COP1: variants seen among roughly 807,000 people sequenced by gnomAD.
The protein encoded by COP1 is COP1 E3 ubiquitin ligase.
Under a neutral mutation model 101.3 loss-of-function variants are expected in COP1, and 24 were observed. That is an observed-to-expected ratio of 0.24 (90% CI 0.17 to 0.33). The LOEUF (loss-of-function observed/expected upper bound fraction) is 0.33, where lower values mean the gene tolerates loss of function less well. Ranked by LOEUF, COP1 falls within the 10% of genes least tolerant of loss-of-function variation. The pLI is 1.00. For synonymous variants in COP1, 347 were observed against 341.9 expected, an observed-to-expected ratio of 1.01 and a Z score of -0.17; for missense variants, 663 against 906.2, an observed-to-expected ratio of 0.73 and a Z score of 3.45.
At chr1:176,086,193 T>C (rs1572143711) in intron 9 of COP1, among the ~76,000 whole-genome samples, 1 of 151,428 alleles carries the variant, frequency 6.6e-6, no homozygotes, top group Non-Finnish European at 1.5e-5. Flanking sequence ...GAATTCATTA[T>C]GCCATTCTAA....
At chr1:176,070,970 ATTC>A (rs1676896459) in intron 11 of COP1, among the ~76,000 whole-genome samples, 1 of 152,136 alleles carries the variant, frequency 6.6e-6, no homozygotes, top group South Asian at 2.1e-4. Context: ...CTTCTGTCCA[ATTC>A]TTCTCCATAC....
chr1:176,071,243 C>G (rs899655953), intron 11 of COP1, among the ~76,000 whole-genome samples: 1 of 151,580 alleles, frequency 6.6e-6, no homozygotes, highest in African/African-American at 2.4e-5. Flanking sequence ...TCTCACTTGC[C>G]CCTCCTTTAG....
At chr1:176,007,445 C>G (rs1431931521) in intron 15 of COP1, among the ~76,000 whole-genome samples, 6 of 152,050 alleles carry the variant, frequency 3.9e-5, no homozygotes, top group Admixed American at 3.3e-4. Context: ...TCCAGTTTTT[C>G]TGTTCTGTTT....
chr1:176,135,077 C>T lies in COP1; in HGVS notation c.901G>A (p.Gly301Ser), dbSNP rs576203845. The T allele has an allele frequency of 3.1e-6, 5 of 1,599,598 alleles. No individual in the cohort carries two copies. Among genetic ancestry groups the T allele is most frequent in the Non-Finnish European group, 4.3e-6 (5 of 1,168,904 alleles). Residue 301 changes from glycine (G) to serine (S), a missense_variant, in exon 8 of 20, where the codon GGC becomes AGC. By Grantham distance (56) the Gly-to-Ser change is moderately conservative (BLOSUM62 0). This residue lies in a region of COP1 where 212 missense variants were observed against 240.7 expected (regional missense o/e 0.88). Transcript: ENST00000367669. ...EDIKRVEEMS[G>S]LYSPVSEDST... The stretch of plus-strand genomic sequence containing the variant: ...TCCTCACTGACAGGAGAGTATAAGC[C>T]ACTCATTTCCTGAAAATAAAATTAT...
intron 8 of COP1, among the ~76,000 whole-genome samples, chr1:176,124,291 T>A (rs1357644317): frequency 1.3e-5 from 2 of 152,136 alleles, no homozygotes; most frequent in Non-Finnish European, 2.9e-5. Flanking sequence ...TAAGTTATTT[T>A]TAAATGTACA....
rs536030189 is a variant in COP1 at position 176,113,220 on chromosome 1, A to G, written c.1026+3404T>C. ...GTCCTTTCTAACATTTGTTACTTCT[A>G]TCTTCTTGATAATACCATTCTAACT... On this transcript the variant is annotated intron_variant, in intron 9 of 19. Coordinates refer to ENST00000367669, the MANE Select transcript of COP1 (RefSeq NM_022457.7). Among the ~76,000 whole-genome samples the G allele has an allele frequency of 2.0e-5, 3 of 152,170 alleles. No individual in the cohort carries two copies. The East Asian group carries it at 5.8e-4, about 29-fold the overall frequency.
At chr1:176,148,821 AT>A (rs966448358) in intron 6 of COP1, among the ~76,000 whole-genome samples, 184 bp downstream of exon 6, 4 of 152,108 alleles carry the variant, frequency 2.6e-5, no homozygotes, top group Non-Finnish European at 5.9e-5. Context: ...CCACAAAATG[AT>A]TTTTTAAGTG....
intron 3 of COP1, among the ~76,000 whole-genome samples, chr1:176,170,662 T>G (rs1367377291): frequency 6.6e-6 from 1 of 152,182 alleles, no homozygotes; most frequent in African/African-American, 2.4e-5. Flanking sequence ...AGATTTAGCA[T>G]AATTCTTAAG....
At chr1:176,096,000 C>T (rs1202864617) in intron 9 of COP1, among the ~76,000 whole-genome samples, 9 of 152,150 alleles carry the variant, frequency 5.9e-5, no homozygotes, top group Admixed American at 1.3e-4. Context: ...ATGCACTGTA[C>T]TTTATCTGCT....
At chr1:176,109,004 C>A (rs886881915) in intron 9 of COP1, among the ~76,000 whole-genome samples, 1 of 151,928 alleles carries the variant, frequency 6.6e-6, no homozygotes, top group Non-Finnish European at 1.5e-5. Flanking sequence ...CTCAGCTACT[C>A]GGGAGGCTGA....
chr1:176,036,625 G>C (rs1669601134), intron 14 of COP1, among the ~76,000 whole-genome samples: 1 of 151,832 alleles, frequency 6.6e-6, no homozygotes, highest in Non-Finnish European at 1.5e-5. Context: ...ACAATGGTGA[G>C]AATGCAATGT....
rs561133573 is a variant in COP1 at position 175,994,304 on chromosome 1, A to T, written c.1730-4825T>A. On this transcript the variant is annotated intron_variant, in intron 15 of 19. Transcript: ENST00000367669. The stretch of plus-strand genomic sequence containing the variant: ...ACTGCAAAATCATGCCAAATTGTAA[A>T]GCCCATCGAGGCTAGGAAGAAACTG... Among the ~76,000 whole-genome samples the T allele has an allele frequency of 4.6e-5, 7 of 152,352 alleles. 1 individual carries two copies. In the East Asian group the frequency reaches 1.3e-3, roughly 29 times the overall value.
At chr1:176,116,164 G>A (rs188401899) in intron 9 of COP1, among the ~76,000 whole-genome samples, 5 of 152,190 alleles carry the variant, frequency 3.3e-5, no homozygotes, top group Admixed American at 1.3e-4. Context: ...GATCGCTTGA[G>A]TCCAGGAGTT....
At chr1:176,100,947 TCC>T (rs1572235268) in intron 9 of COP1, among the ~76,000 whole-genome samples, 1 of 151,904 alleles carries the variant, frequency 6.6e-6, no homozygotes, top group East Asian at 1.9e-4. Context: ...ATCTGATGGA[TCC>T]AGAGGCAGAT....
rs114479992 is a variant in COP1 at position 176,177,621 on chromosome 1, T to G, written c.468-1614A>C. Among the ~76,000 whole-genome samples, 129 of 152,240 alleles carry G rather than the reference T, an allele frequency of 8.5e-4. 1 individual carries two copies. In the Middle Eastern group the frequency reaches 0.01, roughly 12 times the overall value. ...CTGGTAACACTCAGGAAAAAAATGA[T>G]TTCTAAGAAATTACAAAGGTGATCT... On this transcript the variant is annotated intron_variant, in intron 2 of 19. Coordinates refer to ENST00000367669, the MANE Select transcript of COP1 (RefSeq NM_022457.7).
At chr1:176,001,529 A>C (rs1661598659) in intron 15 of COP1, among the ~76,000 whole-genome samples, 1 of 152,150 alleles carries the variant, frequency 6.6e-6, no homozygotes, top group Non-Finnish European at 1.5e-5. Context: ...AAAGCGAGAT[A>C]TTTCGTGGCA....
At chr1:175,981,940 C>T (rs765005987) in intron 18 of COP1, among the ~76,000 whole-genome samples, 11 of 152,054 alleles carry the variant, frequency 7.2e-5, no homozygotes, top group South Asian at 2.1e-4. Context: ...AATGAGGTAT[C>T]GCCTCACAAC....
In COP1 at chr1:175,972,089, A is replaced by G. The variant is rs530811790; in HGVS notation, c.2133+14854T>C. 2.0e-5 allele frequency among the ~76,000 whole-genome samples: 3 copies of G among 152,268 alleles called. No individual in the cohort carries two copies. In the East Asian group the frequency reaches 5.8e-4, roughly 29 times the overall value. ...CATGCAATTCTAGGATACTTAACAA[A>G]ACAAAAGGAGAGAATTATGTAACCC... is the stretch of plus-strand genomic sequence containing the variant. On this transcript the variant is annotated intron_variant, in intron 18 of 19. Transcript: ENST00000367669.
intron 11 of COP1, among the ~76,000 whole-genome samples, chr1:176,075,401 G>T (rs1354790819): frequency 6.6e-6 from 1 of 152,110 alleles, no homozygotes; most frequent in South Asian, 2.1e-4. Context: ...AGCATGTTAA[G>T]TTTTAGCAAT....
Sources: gnomAD v4.1 joint callset for allele counts (sites outside exome capture counted in the v4.1 genomes callset) on GRCh38, gnomAD v4.1.1 for gene constraint, gnomAD v4.1.1 regional missense constraint, MANE v1.5 for transcripts, NCBI Gene and HGNC (gene_info 2026-07-23, HGNC 2026-07-21) for gene names.